Variants in HSD17B3 observed in about 807,000 individuals in gnomAD.
HSD17B3 encodes 17-beta-hydroxysteroid dehydrogenase type 3.
In HSD17B3, 29 loss-of-function variants were observed where a neutral mutation model predicts 41.1. That is an observed-to-expected ratio of 0.71 (90% CI 0.53 to 0.96). The LOEUF is 0.96. Among genes scored for constraint, HSD17B3 ranks in the 40% least tolerant of loss-of-function variants. The probability of loss-of-function intolerance (pLI) is 0.00; values close to 1 mark genes in which losing one functional copy is unlikely to be tolerated. For synonymous variants in HSD17B3, 126 were observed against 145.6 expected, an observed-to-expected ratio of 0.87 and a Z score of 0.97; for missense variants, 323 against 374.6, an observed-to-expected ratio of 0.86 and a Z score of 1.14.
intron 2 of HSD17B3, among the ~76,000 whole-genome samples, chr9:96,274,085 T>G (rs1329988389): frequency 6.6e-6 from 1 of 152,182 alleles, no homozygotes; most frequent in Non-Finnish European, 1.5e-5. Context: ...AATAGAGATC[T>G]AAAACTGTCT....
At chr9:96,258,207 T>G (rs1825739714) in intron 2 of HSD17B3, among the ~76,000 whole-genome samples, 1 of 152,250 alleles carries the variant, frequency 6.6e-6, no homozygotes, top group Non-Finnish European at 1.5e-5. Flanking sequence ...TGTAATATTA[T>G]CAAATTTGTG....
At chr9:96,285,641 G>A (rs771953932) in intron 2 of HSD17B3, among the ~76,000 whole-genome samples, 10 of 152,128 alleles carry the variant, frequency 6.6e-5, no homozygotes, top group East Asian at 1.9e-4. Context: ...TTTGCTCACC[G>A]TTTTCTTAAA....
rs192524363 is a variant in HSD17B3 at position 96,284,955 on chromosome 9, C to T, written c.201+13461G>A. Among the ~76,000 whole-genome samples, 740 of 151,874 alleles carry T rather than the reference C, an allele frequency of 4.9e-3. 7 individuals are homozygous for T. Among genetic ancestry groups the T allele is most frequent in the African/African-American group, 0.017 (713 of 41,406 alleles). On this transcript the variant is annotated intron_variant, in intron 2 of 10. Transcript: ENST00000375263. ...CTCAGTTCAAGCAATTTTCCTGCCT[C>T]AGCCTCCCGAGTAGCTGGGATTGCA...
chr9:96,288,129 T>C (rs1033275057), intron 2 of HSD17B3, among the ~76,000 whole-genome samples: 2 of 152,184 alleles, frequency 1.3e-5, no homozygotes, highest in Admixed American at 1.3e-4. Context: ...GGGATAGGAA[T>C]GCAGGATTAA....
chr9:96,296,275 G>C (rs554695234), intron 2 of HSD17B3, among the ~76,000 whole-genome samples: 1 of 152,090 alleles, frequency 6.6e-6, no homozygotes, highest in Non-Finnish European at 1.5e-5. Flanking sequence ...AAACATCAGA[G>C]AGTTTGCTTC....
chr9:96,242,571 C>T (rs1836498423), intron 9 of HSD17B3, among the ~76,000 whole-genome samples: 2 of 152,178 alleles, frequency 1.3e-5, no homozygotes, highest in African/African-American at 2.4e-5. Flanking sequence ...TTTATTCATT[C>T]AGCGAGTATT....
chr9:96,298,157 C>CCAATTGTG (rs1827434960), intron 2 of HSD17B3, among the ~76,000 whole-genome samples: 2 of 152,144 alleles, frequency 1.3e-5, no homozygotes, highest in Non-Finnish European at 2.9e-5. Context: ...CACAATTACA[C>CCAATTGTG]TAGAAAATAC....
intron 9 of HSD17B3, among the ~76,000 whole-genome samples, chr9:96,242,388 C>T (rs1489466551): frequency 6.6e-6 from 1 of 152,158 alleles, no homozygotes; most frequent in African/African-American, 2.4e-5. Context: ...TAGATCTTTA[C>T]TATAACCCAG....
In HSD17B3 at chr9:96,235,446, T is replaced by G; in HGVS notation, c.*14A>C. The G allele has an allele frequency of 6.3e-7, 1 of 1,585,456 alleles. No homozygotes were observed. ...TGGTGAGGAAAAGGTTGTGCTGGAC[T>G]CCTCACCGCCTGGCTACCTGACCTT... On this transcript the variant is annotated 3_prime_UTR_variant, in exon 11 of 11. Coordinates refer to ENST00000375263, the MANE Select transcript of HSD17B3 (RefSeq NM_000197.2).
At chr9:96,250,166 T>C in intron 5 of HSD17B3, 1 of 1,218,904 alleles carries the variant, frequency 8.2e-7, no homozygotes, top group South Asian at 2.3e-5. Flanking sequence ...TTGTATAATA[T>C]AAGGTAGAGG....
At chr9:96,277,780 G>A (rs1182722249) in intron 2 of HSD17B3, among the ~76,000 whole-genome samples, 1 of 150,736 alleles carries the variant, frequency 6.6e-6, no homozygotes, top group Non-Finnish European at 1.5e-5. Context: ...ATTCACAATA[G>A]CCAAGATATG....
At chr9:96,259,724 A>AG (rs879783710) in intron 2 of HSD17B3, among the ~76,000 whole-genome samples, 3 of 99,704 alleles carry the variant, frequency 3.0e-5, no homozygotes, top group Admixed American at 8.5e-5. Flanking sequence ...CCGTCTCAAA[A>AG]GAAAAAAAAA....
At chr9:96,292,359 G>T (rs1355427333) in intron 2 of HSD17B3, among the ~76,000 whole-genome samples, 3 of 152,072 alleles carry the variant, frequency 2.0e-5, no homozygotes, top group African/African-American at 7.2e-5. Context: ...TTTGAAATTT[G>T]TTTTTATTGA....
intron 2 of HSD17B3, among the ~76,000 whole-genome samples, chr9:96,296,755 T>C (rs1827375427): frequency 6.6e-6 from 1 of 151,950 alleles, no homozygotes; most frequent in African/African-American, 2.4e-5. Context: ...AAAATCAGGG[T>C]TTTCGGCAGG....
At chr9:96,263,225 G>T (rs922352030) in intron 2 of HSD17B3, among the ~76,000 whole-genome samples, 3 of 152,166 alleles carry the variant, frequency 2.0e-5, no homozygotes, top group African/African-American at 7.2e-5. Context: ...AAGCACTCCA[G>T]ATGCAAAATT....
intron 2 of HSD17B3, among the ~76,000 whole-genome samples, chr9:96,287,208 A>G (rs1826956765): frequency 6.6e-6 from 1 of 152,158 alleles, no homozygotes; most frequent in Non-Finnish European, 1.5e-5. Context: ...ACCTGTTGCC[A>G]GTGTTCCCCA....
intron 2 of HSD17B3, among the ~76,000 whole-genome samples, chr9:96,295,075 C>T (rs1000481704): frequency 9.9e-5 from 14 of 140,822 alleles, no homozygotes; most frequent in Non-Finnish European, 1.8e-4. Context: ...GGCACAATCT[C>T]GGCCCACTGC....
intron 2 of HSD17B3, among the ~76,000 whole-genome samples, chr9:96,292,814 G>T (rs1827203352): frequency 6.6e-6 from 1 of 152,184 alleles, no homozygotes; most frequent in South Asian, 2.1e-4. Flanking sequence ...CTGTTTATTG[G>T]GGAAAAGCAA....
intron 6 of HSD17B3, 46 bp from the exon 7 acceptor site, chr9:96,246,636 A>G: frequency 1.3e-6 from 2 of 1,571,010 alleles, no homozygotes; most frequent in Non-Finnish European, 1.8e-6. Context: ...ACTAAGTAGC[A>G]GTGCAAGGGG....
Sources: gnomAD v4.1 joint callset for allele counts (sites outside exome capture counted in the v4.1 genomes callset) on GRCh38, gnomAD v4.1.1 for gene constraint, MANE v1.5 for transcripts, NCBI Gene and HGNC (gene_info 2026-07-23, HGNC 2026-07-21) for gene names.